The following CLSTN2 variants were observed in gnomAD, a reference collection of about 807,000 sequenced individuals.
CLSTN2 encodes calsyntenin-2.
Under a neutral mutation model 101.2 loss-of-function variants are expected in CLSTN2, and 48 were observed. The observed-to-expected ratio is 0.47, with a 90% confidence interval of 0.38 to 0.60. The LOEUF is 0.60. CLSTN2 is among the 20% of genes least tolerant of loss of function. CLSTN2 has a pLI of 0.00. For missense variants in CLSTN2, 1,160 were observed against 1,238.2 expected, an observed-to-expected ratio of 0.94 and a Z score of 0.95; for synonymous variants, 481 against 463.6, an observed-to-expected ratio of 1.04 and a Z score of -0.48.
chr3:140,476,594 A>G (rs1051807578), intron 8 of CLSTN2, among the ~76,000 whole-genome samples: 1 of 151,976 alleles, frequency 6.6e-6, no homozygotes, highest in Non-Finnish European at 1.5e-5. Context: ...AGAACCAGGC[A>G]TGGATGTCCA....
intron 2 of CLSTN2, among the ~76,000 whole-genome samples, chr3:140,339,226 A>G (rs1197086339): frequency 6.6e-6 from 1 of 152,076 alleles, no homozygotes; most frequent in Non-Finnish European, 1.5e-5. Flanking sequence ...CATTTGGACT[A>G]TTTGTGCTTT....
intron 2 of CLSTN2, among the ~76,000 whole-genome samples, chr3:140,240,227 TATA>T (rs2086452993): frequency 1.9e-5 from 2 of 103,986 alleles, no homozygotes; most frequent in African/African-American, 6.8e-5. Context: ...CACACATATA[TATA>T]TATGCATATA....
chr3:140,556,747 A>T (rs1935804520), intron 11 of CLSTN2, 86 bp downstream of exon 11: 1 of 1,370,760 alleles, frequency 7.3e-7, no homozygotes, highest in Non-Finnish European at 1.0e-6. Context: ...GTTCCCTCAC[A>T]AAACAGGAGT....
intron 1 of CLSTN2, among the ~76,000 whole-genome samples, chr3:140,048,499 G>A (rs1458209777): frequency 6.6e-6 from 1 of 152,176 alleles, no homozygotes; most frequent in Non-Finnish European, 1.5e-5. Flanking sequence ...GCTCCTCGGG[G>A]GCCAGGCATT....
chr3:140,111,612 G>A (rs928524315), intron 1 of CLSTN2, among the ~76,000 whole-genome samples: 15 of 151,770 alleles, frequency 9.9e-5, no homozygotes, highest in African/African-American at 2.2e-4. Context: ...TTCCTGCCCC[G>A]AGCTCCTGAT....
chr3:140,547,595 T>C (rs569782356), intron 10 of CLSTN2, among the ~76,000 whole-genome samples: 2 of 152,350 alleles, frequency 1.3e-5, no homozygotes, highest in Admixed American at 1.3e-4. Context: ...TTCTTCTGAC[T>C]GAAGCTTCTC....
chr3:139,987,810 ACCCCTGGGGAATT>A (rs1936052234), intron 1 of CLSTN2, among the ~76,000 whole-genome samples: 1 of 152,146 alleles, frequency 6.6e-6, no homozygotes, highest in East Asian at 1.9e-4. Flanking sequence ...TAGTTGCTGA[ACCCCTGGGGAATT>A]CAGTCCCTGA....
intron 1 of CLSTN2, among the ~76,000 whole-genome samples, chr3:139,995,188 G>T (rs1936181768): frequency 6.6e-6 from 1 of 152,120 alleles, no homozygotes; most frequent in African/African-American, 2.4e-5. Flanking sequence ...AGGCATTGGA[G>T]GAATCACATT....
At chr3:140,016,223 G>A (rs2007196889) in intron 1 of CLSTN2, among the ~76,000 whole-genome samples, 1 of 152,208 alleles carries the variant, frequency 6.6e-6, no homozygotes, top group South Asian at 2.1e-4. Flanking sequence ...GGCAAGAAAT[G>A]AGGAGAGCTG....
In CLSTN2 at chr3:140,448,648, T is replaced by A. The variant is rs41265459; in HGVS notation, c.917T>A (p.Ile306Asn). The A allele has an allele frequency of 5.2e-3, 8,454 of 1,614,080 alleles. 31 individuals are homozygous for A. Among genetic ancestry groups the A allele is most frequent in the Non-Finnish European group, 6.3e-3 (7,446 of 1,179,950 alleles). ...GTCACAGAGCTGCAGACTAATTACATTGGGAAGGGTTGTGACCGGGAGACC... is the reference window on the plus strand; with the variant it reads ...GTCACAGAGCTGCAGACTAATTACAATGGGAAGGGTTGTGACCGGGAGACC... ...QIVTELQTNYIGKGCDRETYS... is the reference protein window; with the variant it reads ...QIVTELQTNYNGKGCDRETYS... The change falls in exon 6 of 17, where the codon ATT (isoleucine) becomes AAT (asparagine). Residue 306 changes from isoleucine to asparagine, a missense_variant. Transcript: ENST00000458420.
At chr3:140,326,677 C>T (rs2087334728) in intron 2 of CLSTN2, among the ~76,000 whole-genome samples, 1 of 152,152 alleles carries the variant, frequency 6.6e-6, no homozygotes, top group African/African-American at 2.4e-5. Flanking sequence ...CCCTTTTTGT[C>T]CTGCTATCTC....
At chr3:140,399,315 A>T (rs1195843321) in intron 2 of CLSTN2, among the ~76,000 whole-genome samples, 5 of 152,236 alleles carry the variant, frequency 3.3e-5, no homozygotes, top group African/African-American at 1.2e-4. Flanking sequence ...TCACAAAAAA[A>T]GTTCTTGTAT....
chr3:140,083,850 A>G (rs1394701727), intron 1 of CLSTN2, among the ~76,000 whole-genome samples: 1 of 152,202 alleles, frequency 6.6e-6, no homozygotes, highest in Non-Finnish European at 1.5e-5. Context: ...ATTAGCATGC[A>G]TGTGTCTTAA....
chr3:140,487,164 C>A (rs1934255877), intron 8 of CLSTN2, among the ~76,000 whole-genome samples: 1 of 152,110 alleles, frequency 6.6e-6, no homozygotes, highest in Admixed American at 6.5e-5. Context: ...GTGAAAGAGT[C>A]TGAAAAAGTA....
At chr3:140,009,172 G>A (rs1281524620) in intron 1 of CLSTN2, among the ~76,000 whole-genome samples, 2 of 152,162 alleles carry the variant, frequency 1.3e-5, no homozygotes, top group African/African-American at 4.8e-5. Context: ...ATGTTCATAG[G>A]AGGAATATTT....
intron 2 of CLSTN2, among the ~76,000 whole-genome samples, chr3:140,358,410 C>T (rs542371352): frequency 1.6e-4 from 24 of 152,144 alleles, no homozygotes; most frequent in Non-Finnish European, 2.6e-4. Flanking sequence ...ATTTTTCATC[C>T]ATAAAATGCC....
At chr3:140,229,483 T>C (rs59620826) in intron 2 of CLSTN2, among the ~76,000 whole-genome samples, 4,971 of 152,002 alleles carry the variant, frequency 0.033, 249 homozygotes, top group African/African-American at 0.11. Flanking sequence ...GTTCTCCTGC[T>C]TCCCACCCTC....
intron 2 of CLSTN2, among the ~76,000 whole-genome samples, chr3:140,369,578 A>T (rs1228879546): frequency 6.4e-5 from 2 of 31,406 alleles, no homozygotes; most frequent in South Asian, 7.3e-4. Context: ...ATAATTTGTT[A>T]AAAAAAAATG....
Position 140,566,662 on chromosome 3 carries a change from T to C in CLSTN2, c.*409T>C, listed in dbSNP as rs13078522. 0.66 allele frequency: 146,320 copies of C among 222,326 alleles called. 52,242 individuals are homozygous for C. The highest frequency in any genetic ancestry group is 0.84 in the Middle Eastern group (451 of 540). The allele number at this position is 222,326 out of a possible 1,614,324, so 13.8% of individuals were successfully genotyped here. On this transcript the variant is annotated 3_prime_UTR_variant, in exon 17 of 17. Transcript: ENST00000458420. ...TGTGCGTCTCCTCCACACAGACCAG[T>C]AGGTTCTCCTATGCTGACTCCAGGT... is the stretch of plus-strand genomic sequence containing the variant.
Sources: gnomAD v4.1 joint callset for allele counts (sites outside exome capture counted in the v4.1 genomes callset) on GRCh38, gnomAD v4.1.1 for gene constraint, MANE v1.5 for transcripts, NCBI Gene and HGNC (gene_info 2026-07-23, HGNC 2026-07-21) for gene names.